DNAH12: variants seen among roughly 807,000 people sequenced by gnomAD.
The protein encoded by DNAH12 is axonemal beta dynein heavy chain 12.
DNAH12 carries 285 observed loss-of-function variants against 371.5 expected under a neutral mutation model. That is an observed-to-expected ratio of 0.77 (90% CI 0.70 to 0.85). The LOEUF (loss-of-function observed/expected upper bound fraction) is 0.85, where lower values mean the gene tolerates loss of function less well. Among genes scored for constraint, DNAH12 ranks in the 40% least tolerant of loss-of-function variants. DNAH12 has a pLI of 0.00. For synonymous variants in DNAH12, 1,200 were observed against 1,213.0 expected, an observed-to-expected ratio of 0.99 and a Z score of 0.22; for missense variants, 3,611 against 3,689.4, an observed-to-expected ratio of 0.98 and a Z score of 0.55.
At chr3:57,528,624 CT>C (rs200627803) in intron 2 of DNAH12, among the ~76,000 whole-genome samples, 148,430 of 148,430 alleles carry the variant, frequency 1, 74,215 homozygotes, top group Non-Finnish European at 1. Context: ...ACTCGGGAGG[CT>C]TGAGGCAGGA....
intron 65 of DNAH12, 100 bp from the exon 66 acceptor site, chr3:57,314,731 G>A: frequency 8.0e-7 from 1 of 1,255,790 alleles, no homozygotes; most frequent in African/African-American, 1.5e-5. Context: ...AAGATTCTGT[G>A]ATCACGTATC....
At chr3:57,302,526 G>GGT (rs1575420001) in intron 69 of DNAH12, among the ~76,000 whole-genome samples, 4 of 44,422 alleles carry the variant, frequency 9.0e-5, no homozygotes, top group African/African-American at 2.4e-4. Context: ...TAAGGCATCA[G>GGT]GTGTATATAT....
chr3:57,429,747 G>C lies in DNAH12; in HGVS notation c.5008C>G (p.Gln1670Glu). The part of the protein sequence containing the change: ...KLCLMSGEII[Q>E]MSPQMSLIFE... ...ATGAGGCTCATTTGGGGGGACATCTGAATGATTTCTCCACTCATAAGGCAA... is the reference window on the plus strand; with the variant it reads ...ATGAGGCTCATTTGGGGGGACATCTCAATGATTTCTCCACTCATAAGGCAA... Residue 1670 changes from glutamine to glutamate, a missense_variant, in exon 33 of 74, where the codon CAG becomes GAG. Gln to Glu is a conservative substitution (Grantham distance 29). Transcript: ENST00000495027. 6.5e-7 allele frequency: 1 copy of C among 1,530,324 alleles called. No homozygotes were observed. The highest frequency in any genetic ancestry group is 8.8e-7 in the Non-Finnish European group (1 of 1,139,864). The allele number at this position is 1,530,324 out of a possible 1,614,324, so 94.8% of individuals were successfully genotyped here. A position where few individuals can be genotyped will look rare whatever the true frequency, so the allele number is the denominator to read the frequency against.
In DNAH12 at chr3:57,334,943, G is replaced by A. The variant is rs1258375492; in HGVS notation, c.9675-3C>T. 1.3e-5 allele frequency: 20 copies of A among 1,538,268 alleles called. No homozygotes were observed. The East Asian group carries it at 4.9e-4, about 38-fold the overall frequency. On this transcript the variant is annotated splice_polypyrimidine_tract_variant and splice_region_variant and intron_variant, in intron 60 of 73. Coordinates refer to ENST00000495027, the MANE Select transcript of DNAH12 (RefSeq NM_001366028.2). ...GGTATTCAATCTCTTTCCTTGCCCT[G>A]TATTCCCAAAATAAGGACTGTTATA...
intron 57 of DNAH12, among the ~76,000 whole-genome samples, chr3:57,366,185 C>T (rs2063047529): frequency 6.6e-6 from 1 of 152,108 alleles, no homozygotes; most frequent in Non-Finnish European, 1.5e-5. Flanking sequence ...ACAAAAGTGA[C>T]CTCTGGTCCT....
chr3:57,442,588 A>G (rs1251314657), intron 29 of DNAH12, among the ~76,000 whole-genome samples: 1 of 152,226 alleles, frequency 6.6e-6, no homozygotes, highest in African/African-American at 2.4e-5. Context: ...AGAAGTCAGT[A>G]AAACAAATAC....
intron 53 of DNAH12, among the ~76,000 whole-genome samples, chr3:57,376,271 C>T (rs2063278887): frequency 6.6e-6 from 1 of 151,010 alleles, no homozygotes; most frequent in Non-Finnish European, 1.5e-5. Context: ...ATAATTTTCT[C>T]TTGGATGATT....
At chr3:57,450,004 T>C (rs1051006261) in intron 25 of DNAH12, among the ~76,000 whole-genome samples, 3 of 152,142 alleles carry the variant, frequency 2.0e-5, no homozygotes, top group Non-Finnish European at 4.4e-5. Flanking sequence ...TCCCAACACT[T>C]TGGGAGGCAT....
At chr3:57,361,445 T>TAC (rs1491259261) in intron 58 of DNAH12, among the ~76,000 whole-genome samples, 1 of 46,252 alleles carries the variant, frequency 2.2e-5, no homozygotes, top group Non-Finnish European at 4.5e-5. Context: ...ACACACACAC[T>TAC]ATATATATAT....
chr3:57,534,209 T>C (rs895634477), intron 2 of DNAH12, among the ~76,000 whole-genome samples: 23 of 152,140 alleles, frequency 1.5e-4, no homozygotes, highest in African/African-American at 5.3e-4. Context: ...ACAGATTCTC[T>C]CTCCATGCCA....
chr3:57,491,482 T>C (rs1003028879), intron 11 of DNAH12, among the ~76,000 whole-genome samples: 1 of 152,164 alleles, frequency 6.6e-6, no homozygotes. Context: ...TTACATTAAA[T>C]TTTTTCATGG....
intron 11 of DNAH12, among the ~76,000 whole-genome samples, chr3:57,494,836 C>T (rs1188211958): frequency 6.6e-6 from 1 of 151,784 alleles, no homozygotes; most frequent in Non-Finnish European, 1.5e-5. Flanking sequence ...TGGTGAAACC[C>T]CTTCTTTACA....
intron 33 of DNAH12, 101 bp from the exon 34 acceptor site, chr3:57,428,922 C>CT (rs2064868173): frequency 8.2e-7 from 1 of 1,212,446 alleles, no homozygotes; most frequent in African/African-American, 1.5e-5. Context: ...CCTTTATAAT[C>CT]TAGCTCCCAT....
rs1463638646 is a variant in DNAH12, at chr3:57,445,432, A to G, written c.4180-13T>C. The stretch of plus-strand genomic sequence containing the variant: ...TTCTAAAAAGAACCTGAAGTATAAA[A>G]TAAATGAAATATATTACGTACATAA... On this transcript the variant is annotated splice_polypyrimidine_tract_variant and intron_variant, in intron 27 of 73. Coordinates refer to ENST00000495027, the MANE Select transcript of DNAH12 (RefSeq NM_001366028.2). 1.3e-6 allele frequency: 2 copies of G among 1,500,540 alleles called. No homozygotes were observed. Among genetic ancestry groups the G allele is most frequent in the African/African-American group, 1.4e-5 (1 of 70,802 alleles). 93.0% of individuals were successfully genotyped at this position (1,500,540 alleles called of 1,614,324 possible). A position where few individuals can be genotyped will look rare whatever the true frequency, so the allele number is the denominator to read the frequency against.
intron 2 of DNAH12, among the ~76,000 whole-genome samples, chr3:57,528,594 G>A (rs1192901012): frequency 7.2e-5 from 8 of 110,852 alleles, no homozygotes; most frequent in Non-Finnish European, 1.1e-4. Flanking sequence ...GTGTGATGGG[G>A]CATGCCTGTA....
intron 55 of DNAH12, among the ~76,000 whole-genome samples, chr3:57,369,273 A>AT (rs2063118617): frequency 7.1e-6 from 1 of 141,042 alleles, no homozygotes; most frequent in African/African-American, 2.7e-5. Flanking sequence ...TTATATATAT[A>AT]ATTTTTACAT....
chr3:57,525,987 T>C (rs1157143934), intron 2 of DNAH12, among the ~76,000 whole-genome samples: 1 of 151,978 alleles, frequency 6.6e-6, no homozygotes, highest in Non-Finnish European at 1.5e-5. Context: ...GGTCTCAAAC[T>C]CCTGACCTCA....
intron 12 of DNAH12, among the ~76,000 whole-genome samples, chr3:57,485,681 G>A (rs2153384376): frequency 6.6e-6 from 1 of 152,120 alleles, no homozygotes; most frequent in East Asian, 2.0e-4. Flanking sequence ...TTACAGGCAT[G>A]AGCCACCGCA....
intron 37 of DNAH12, among the ~76,000 whole-genome samples, chr3:57,418,232 AT>A (rs2064443108): frequency 6.6e-6 from 1 of 151,750 alleles, no homozygotes; most frequent in African/African-American, 2.4e-5. Context: ...TAAAAGTATT[AT>A]TCTGACAAAT....
Sources: allele counts gnomAD v4.1 joint callset (sites outside exome capture counted in the v4.1 genomes callset), GRCh38; gene constraint gnomAD v4.1.1; transcripts MANE v1.5; gene names NCBI Gene and HGNC (gene_info 2026-07-23, HGNC 2026-07-21).